Variants in PRLR observed in about 807,000 individuals in gnomAD.
The protein encoded by PRLR is hPRL receptor.
Under a neutral mutation model 40.2 loss-of-function variants are expected in PRLR, and 13 were observed. The observed-to-expected ratio is 0.32, with a 90% CI of 0.21 to 0.51. The LOEUF is 0.51. Ranked by LOEUF, PRLR falls within the 20% of genes least tolerant of loss-of-function variation. PRLR has a pLI of 0.97. For synonymous variants in PRLR, 269 were observed against 278.7 expected, an observed-to-expected ratio of 0.97 and a Z score of 0.35; for missense variants, 656 against 747.3, an observed-to-expected ratio of 0.88 and a Z score of 1.42.
chr5:35,152,991 T>G (rs181144694), intron 1 of PRLR: 13 of 152,304 alleles, frequency 8.5e-5, no homozygotes, highest in Admixed American at 5.9e-4. Context: ...GAAATTGCAG[T>G]TCCTCTTACC....
At chr5:35,120,135 G>A (rs1773237407) in intron 1 of PRLR, among the ~76,000 whole-genome samples, 1 of 152,070 alleles carries the variant, frequency 6.6e-6, no homozygotes, top group Non-Finnish European at 1.5e-5. Context: ...GTAGAGCATG[G>A]AGATGGGCAT....
intron 2 of PRLR, among the ~76,000 whole-genome samples, chr5:35,097,694 C>T (rs965001208): frequency 6.6e-6 from 1 of 152,138 alleles, no homozygotes; most frequent in African/African-American, 2.4e-5. Flanking sequence ...GCATGCTCCC[C>T]CAATCCAAAG....
rs911830967 is a variant in PRLR, at chr5:35,065,488, C to A, written c.1470G>T (p.Thr490=). The change falls in exon 10 of 10, where the codon ACG becomes ACT. Residue 490 remains threonine, a synonymous_variant. Coordinates refer to ENST00000618457, the MANE Select transcript of PRLR (RefSeq NM_000949.7). ...ESFHSETDQD[T]PWLLPQEKTP... is the part of the protein sequence containing the mutation. Reference sequence around the variant, plus strand: ...TTTTCTCCTGGGGCAGCAGCCAGGGCGTATCCTGGTCAGTCTCAGAATGGA... The same window carrying A: ...TTTTCTCCTGGGGCAGCAGCCAGGGAGTATCCTGGTCAGTCTCAGAATGGA... 11 of 1,614,002 alleles carry A rather than the reference C, an allele frequency of 6.8e-6. No individual in the cohort carries two copies. The highest frequency in any genetic ancestry group is 1.7e-5 in the Admixed American group (1 of 59,990).
chr5:35,113,457 C>A (rs1772815878), intron 2 of PRLR, among the ~76,000 whole-genome samples: 1 of 136,672 alleles, frequency 7.3e-6, no homozygotes, highest in South Asian at 2.5e-4. Context: ...ACCTATCCAT[C>A]CATCCATCCA....
intron 1 of PRLR, among the ~76,000 whole-genome samples, chr5:35,139,095 C>A (rs1215753753): frequency 3.3e-5 from 5 of 152,048 alleles, no homozygotes; most frequent in Admixed American, 6.5e-5. Flanking sequence ...GGCAGTTGAG[C>A]TATAGGAGGT....
At chr5:35,154,708 T>TA (rs1774435437) in intron 1 of PRLR, among the ~76,000 whole-genome samples, 1 of 152,180 alleles carries the variant, frequency 6.6e-6, no homozygotes, top group South Asian at 2.1e-4. Flanking sequence ...ATTGCAGCAC[T>TA]ATTCACAATA....
intron 1 of PRLR, among the ~76,000 whole-genome samples, chr5:35,175,434 T>A (rs952203595): frequency 6.6e-6 from 1 of 152,170 alleles, no homozygotes; most frequent in African/African-American, 2.4e-5. Context: ...AATTGCCCAG[T>A]CTCAGGTATG....
chr5:35,156,132 AAAAAAAAC>A (rs1453456823), intron 1 of PRLR, among the ~76,000 whole-genome samples: 9 of 149,800 alleles, frequency 6.0e-5, no homozygotes, highest in African/African-American at 2.3e-4. Flanking sequence ...CAAGATAAAA[AAAAAAAAC>A]AAAAAAAAAA....
chr5:35,110,363 TA>T (rs199660271), intron 2 of PRLR, among the ~76,000 whole-genome samples: 33 of 149,674 alleles, frequency 2.2e-4, no homozygotes, highest in African/African-American at 6.5e-4. Context: ...TAAAGTATAA[TA>T]AAAAAAAATA....
intron 1 of PRLR, among the ~76,000 whole-genome samples, chr5:35,228,650 C>T (rs921787719): frequency 1.3e-5 from 2 of 152,124 alleles, no homozygotes; most frequent in East Asian, 1.9e-4. Context: ...TAAGGACTGT[C>T]GCCTTAGGAG....
At chr5:35,193,637 A>C (rs191158408) in intron 1 of PRLR, among the ~76,000 whole-genome samples, 109 of 152,148 alleles carry the variant, frequency 7.2e-4, no homozygotes, top group Admixed American at 1.8e-3. Context: ...GCTACCCCCT[A>C]CCACCCAGAT....
chr5:35,093,894 C>G (rs1280544587), intron 2 of PRLR, among the ~76,000 whole-genome samples: 1 of 152,330 alleles, frequency 6.6e-6, no homozygotes, highest in African/African-American at 2.4e-5. Context: ...AGTTCTGTGA[C>G]AGCTGTATAG....
chr5:35,049,520 A>G (rs909849224), intron 8 of PRLR: 7 of 614,752 alleles, frequency 1.1e-5, no homozygotes, highest in East Asian at 8.3e-5. Flanking sequence ...CCATAACATA[A>G]TATGTACTTC....
chr5:35,048,961 A>G (rs1479797317), exon 9 of PRLR: 2 of 391,190 alleles, frequency 5.1e-6, no homozygotes, highest in Non-Finnish European at 1.0e-5. Flanking sequence ...GAGACAACTG[A>G]CTTGGCCACA....
intron 1 of PRLR, among the ~76,000 whole-genome samples, chr5:35,215,096 C>T (rs1401556799): frequency 6.6e-6 from 1 of 152,134 alleles, no homozygotes; most frequent in Non-Finnish European, 1.5e-5. Context: ...ATCAGTCTGC[C>T]ATCTTCTAGG....
At chr5:35,081,096 T>C (rs1463710892) in intron 5 of PRLR, 1 of 150,530 alleles carries the variant, frequency 6.6e-6, no homozygotes, top group Non-Finnish European at 1.5e-5. Flanking sequence ...ATGTAAATGA[T>C]GAGTTAATGG....
At chr5:35,125,829 G>A (rs768711947) in intron 1 of PRLR, among the ~76,000 whole-genome samples, 3 of 152,210 alleles carry the variant, frequency 2.0e-5, no homozygotes, top group Non-Finnish European at 4.4e-5. Flanking sequence ...TGTTGAGAGG[G>A]GAATGTTAGC....
intron 1 of PRLR, among the ~76,000 whole-genome samples, chr5:35,134,094 G>A (rs1281704932): frequency 3.9e-5 from 6 of 152,052 alleles, no homozygotes; most frequent in Non-Finnish European, 4.4e-5. Flanking sequence ...TATACTGCTC[G>A]GGTGATGGGT....
chr5:35,215,721 T>C (rs1256858245), intron 1 of PRLR, among the ~76,000 whole-genome samples: 1 of 151,182 alleles, frequency 6.6e-6, no homozygotes, highest in Non-Finnish European at 1.5e-5. Flanking sequence ...CTTGGAAGAG[T>C]GGAATCCATT....
Sources: gnomAD v4.1 joint callset for allele counts (sites outside exome capture counted in the v4.1 genomes callset) on GRCh38, gnomAD v4.1.1 for gene constraint, MANE v1.5 for transcripts, NCBI Gene and HGNC (gene_info 2026-07-23, HGNC 2026-07-21) for gene names.